Variants in EGFLAM observed in about 807,000 individuals in gnomAD.
EGFLAM encodes pikachurin.
Under a neutral mutation model 113.1 loss-of-function variants are expected in EGFLAM, and 79 were observed. The observed-to-expected ratio is 0.70, with a 90% confidence interval of 0.58 to 0.84. EGFLAM has a LOEUF of 0.84. EGFLAM is among the 40% of genes least tolerant of loss of function. The pLI is 0.00. For synonymous variants in EGFLAM, 504 were observed against 487.6 expected, an observed-to-expected ratio of 1.03 and a Z score of -0.44; for missense variants, 1,265 against 1,291.6, an observed-to-expected ratio of 0.98 and a Z score of 0.32.
At chr5:38,326,319 G>A (rs1186652485) in intron 1 of EGFLAM, among the ~76,000 whole-genome samples, 1 of 152,200 alleles carries the variant, frequency 6.6e-6, no homozygotes, top group East Asian at 1.9e-4. Flanking sequence ...GAAAAATCCT[G>A]TTCTAGCTGA....
intron 1 of EGFLAM, among the ~76,000 whole-genome samples, chr5:38,261,997 C>T (rs565292293): frequency 9.2e-5 from 14 of 152,226 alleles, no homozygotes; most frequent in Non-Finnish European, 1.6e-4. Flanking sequence ...ACACACCACT[C>T]ATTGGATAGC....
rs138823654 is a variant in EGFLAM at position 38,372,607 on chromosome 5, C to T, written c.712+2145C>T. Among the ~76,000 whole-genome samples, 14 of 152,164 alleles carry T rather than the reference C, an allele frequency of 9.2e-5. No individual in the cohort carries two copies. The East Asian group carries it at 2.5e-3, about 27-fold the overall frequency. ...ATCTGTGAGATTTTATTATAATTGG[C>T]CTGTTATGTGAAGTAAAATTTTAAA... On this transcript the variant is annotated intron_variant, in intron 6 of 21. Transcript: ENST00000322350.
intron 6 of EGFLAM, among the ~76,000 whole-genome samples, chr5:38,405,587 A>G (rs749358575): frequency 1.3e-5 from 2 of 152,120 alleles, no homozygotes; most frequent in African/African-American, 2.4e-5. Context: ...TTCTTTGTTG[A>G]TGGACATTTG....
intron 1 of EGFLAM, among the ~76,000 whole-genome samples, chr5:38,274,560 T>G (rs1469710814): frequency 2.0e-5 from 3 of 150,010 alleles, no homozygotes; most frequent in Non-Finnish European, 4.5e-5. Flanking sequence ...ATACTCAGTT[T>G]TGAAGGAGAA....
intron 1 of EGFLAM, among the ~76,000 whole-genome samples, chr5:38,278,349 G>T (rs141378876): frequency 6.6e-6 from 1 of 152,120 alleles, no homozygotes; most frequent in Admixed American, 6.6e-5. Flanking sequence ...ACATGCAGAA[G>T]AATGAAATTA....
In EGFLAM at chr5:38,461,911, A is replaced by G. The variant is rs529144836; in HGVS notation, c.2772-997A>G. On this transcript the variant is annotated intron_variant, in intron 20 of 21. Coordinates refer to ENST00000322350, the MANE Select transcript of EGFLAM (RefSeq NM_152403.4). ...CCGGGTGCAGTGGCTCACGCCTGTA[A>G]TCCCAGCACTTTGGGAGGCCGAGGA... Among the ~76,000 whole-genome samples, 474 of 152,208 alleles carry G rather than the reference A, an allele frequency of 3.1e-3. 3 individuals carry two copies. Among genetic ancestry groups the G allele is most frequent in the African/African-American group, 0.011 (451 of 41,528 alleles).
intron 1 of EGFLAM, among the ~76,000 whole-genome samples, chr5:38,285,313 A>C (rs1758129602): frequency 6.6e-6 from 1 of 152,238 alleles, no homozygotes; most frequent in South Asian, 2.1e-4. Flanking sequence ...ATTCTAAAGC[A>C]ATCACCTTAG....
In EGFLAM at chr5:38,295,414, A is replaced by T. The variant is rs181561196; in HGVS notation, c.97+36563A>T. Among the ~76,000 whole-genome samples, 135 of 152,334 alleles carry T rather than the reference A, an allele frequency of 8.9e-4. No homozygotes were observed. In the South Asian group the frequency reaches 0.017, roughly 19 times the overall value. On this transcript the variant is annotated intron_variant, in intron 1 of 21. Coordinates refer to ENST00000322350, the MANE Select transcript of EGFLAM (RefSeq NM_152403.4). Reference sequence around the variant, plus strand: ...ATGGATGTTTTTACATAATATATTTAAAAAAGTTTTTAAAAATATGGCTTG... The same window carrying T: ...ATGGATGTTTTTACATAATATATTTTAAAAAGTTTTTAAAAATATGGCTTG...
intron 1 of EGFLAM, among the ~76,000 whole-genome samples, chr5:38,299,731 C>G (rs563888738): frequency 2.0e-5 from 3 of 152,088 alleles, no homozygotes; most frequent in Non-Finnish European, 2.9e-5. Flanking sequence ...ACGTCTCCCC[C>G]ACTCTCTCTT....
At position 38,258,858 on chromosome 5, in the gene EGFLAM, C is replaced by T; in HGVS notation, c.97+7C>T. 1.2e-6 allele frequency: 2 copies of T among 1,609,654 alleles called. No homozygotes were observed. The highest frequency in any genetic ancestry group is 1.7e-6 in the Non-Finnish European group (2 of 1,178,340). ...GCGGCCATCCGAAAACCAGGTAATG[C>T]GCTCCTCCGCCCAGAGCCACCACGC... On this transcript the variant is annotated splice_region_variant and intron_variant, in intron 1 of 21. Coordinates refer to ENST00000322350, the MANE Select transcript of EGFLAM (RefSeq NM_152403.4).
intron 14 of EGFLAM, among the ~76,000 whole-genome samples, chr5:38,428,932 C>G (rs544003679): frequency 6.0e-4 from 91 of 152,308 alleles, no homozygotes; most frequent in Non-Finnish European, 7.9e-4. Flanking sequence ...ACCATCTGCC[C>G]CCTTATCCTA....
chr5:38,362,920 T>C (rs955099594), intron 5 of EGFLAM, among the ~76,000 whole-genome samples: 4 of 152,194 alleles, frequency 2.6e-5, no homozygotes, highest in South Asian at 4.1e-4. Flanking sequence ...TTGACATACA[T>C]TGAATTATGA....
intron 20 of EGFLAM, among the ~76,000 whole-genome samples, chr5:38,458,769 T>G (rs1743173357): frequency 6.6e-6 from 1 of 152,010 alleles, no homozygotes; most frequent in Admixed American, 6.5e-5. Flanking sequence ...TCACCTGAGC[T>G]CAGGAGTTTG....
chr5:38,276,151 G>A (rs1043180887), intron 1 of EGFLAM, among the ~76,000 whole-genome samples: 1 of 152,104 alleles, frequency 6.6e-6, no homozygotes, highest in African/African-American at 2.4e-5. Context: ...GATGGCGGCA[G>A]TCAAAAAGAG....
intron 14 of EGFLAM, among the ~76,000 whole-genome samples, chr5:38,428,795 T>A (rs1742097247): frequency 6.6e-6 from 1 of 152,156 alleles, no homozygotes; most frequent in African/African-American, 2.4e-5. Flanking sequence ...TGACACGAGG[T>A]GCTTTTAATT....
intron 1 of EGFLAM, among the ~76,000 whole-genome samples, chr5:38,311,277 G>A (rs187092944): frequency 1.3e-5 from 2 of 152,174 alleles, no homozygotes; most frequent in East Asian, 3.9e-4. Context: ...CAGTCATCAT[G>A]TTGTACAATA....
At chr5:38,438,952 A>G (rs1035722405) in intron 17 of EGFLAM, among the ~76,000 whole-genome samples, 13 of 152,260 alleles carry the variant, frequency 8.5e-5, no homozygotes, top group African/African-American at 3.1e-4. Flanking sequence ...AACCTTCTGT[A>G]TAGTGCTATT....
intron 10 of EGFLAM, among the ~76,000 whole-genome samples, chr5:38,410,759 C>G (rs1250780902): frequency 2.0e-5 from 3 of 152,198 alleles, no homozygotes; most frequent in Non-Finnish European, 2.9e-5. Flanking sequence ...CACTGCTGAG[C>G]CTCCTGTGGA....
At chr5:38,377,893 C>A (rs111577523) in intron 6 of EGFLAM, among the ~76,000 whole-genome samples, 6 of 152,188 alleles carry the variant, frequency 3.9e-5, no homozygotes, top group African/African-American at 1.4e-4. Flanking sequence ...TCAAACCAAG[C>A]CCTCATTTTA....
Sources: allele counts gnomAD v4.1 joint callset (sites outside exome capture counted in the v4.1 genomes callset), GRCh38; gene constraint gnomAD v4.1.1; transcripts MANE v1.5; gene names NCBI Gene and HGNC (gene_info 2026-07-23, HGNC 2026-07-21).